Variants in CAMK2B observed in about 807,000 individuals in gnomAD.
The protein encoded by CAMK2B is calcium/calmodulin-dependent protein kinase type II subunit beta.
In CAMK2B, 27 loss-of-function variants were observed where a neutral mutation model predicts 93.7. The observed-to-expected ratio is 0.29, with a 90% CI of 0.21 to 0.40. The LOEUF (loss-of-function observed/expected upper bound fraction) is 0.40. CAMK2B is among the 10% of genes least tolerant of loss of function. The pLI is 1.00. For synonymous variants in CAMK2B, 374 were observed against 358.8 expected, an observed-to-expected ratio of 1.04 and a Z score of -0.48; for missense variants, 568 against 895.8, an observed-to-expected ratio of 0.63 and a Z score of 4.67.
intron 13 of CAMK2B, among the ~76,000 whole-genome samples, chr7:44,237,079 C>T (rs568048574): frequency 9.8e-5 from 15 of 152,378 alleles, no homozygotes; most frequent in Admixed American, 6.5e-4. Context: ...GCCAACCCAG[C>T]GGTACTTCCA....
intron 13 of CAMK2B, among the ~76,000 whole-genome samples, chr7:44,237,288 C>T (rs1204376631): frequency 5.9e-5 from 9 of 152,212 alleles, no homozygotes; most frequent in African/African-American, 2.2e-4. Flanking sequence ...TCTATCAAAA[C>T]CTGCATTTCC....
intron 1 of CAMK2B, among the ~76,000 whole-genome samples, chr7:44,321,003 G>A (rs1385862209): frequency 6.6e-6 from 1 of 152,202 alleles, no homozygotes; most frequent in Non-Finnish European, 1.5e-5. Context: ...GGGCATCTGG[G>A]AGAGCCTGCT....
At chr7:44,227,806 G>A in intron 19 of CAMK2B, among the ~76,000 whole-genome samples, 1 of 123,424 alleles carries the variant, frequency 8.1e-6, no homozygotes, top group African/African-American at 3.3e-5. Flanking sequence ...GGGGGACAGA[G>A]GGAGAATGTG....
At chr7:44,278,097 G>A (rs1000403734) in intron 2 of CAMK2B, among the ~76,000 whole-genome samples, 6 of 152,228 alleles carry the variant, frequency 3.9e-5, no homozygotes, top group Admixed American at 2.0e-4. Context: ...AGCCAGGGGC[G>A]CCTGCCATGG....
chr7:44,277,623 C>T (rs920789374), intron 2 of CAMK2B, among the ~76,000 whole-genome samples: 2 of 152,188 alleles, frequency 1.3e-5, no homozygotes, highest in Non-Finnish European at 2.9e-5. Flanking sequence ...CCTCCACTGG[C>T]GCTAGACCCA....
chr7:44,300,232 TG>T (rs1323948576), intron 1 of CAMK2B, among the ~76,000 whole-genome samples: 1 of 152,102 alleles, frequency 6.6e-6, no homozygotes, highest in East Asian at 1.9e-4. Context: ...GATGGGGTCT[TG>T]GTATGCTCCC....
chr7:44,247,937 G>C (rs919303734), intron 5 of CAMK2B, among the ~76,000 whole-genome samples: 8 of 152,190 alleles, frequency 5.3e-5, no homozygotes, highest in African/African-American at 1.9e-4. Context: ...CTAAGGAAGG[G>C]AGAATTGCTT....
At chr7:44,265,363 T>C (rs757295300) in intron 2 of CAMK2B, among the ~76,000 whole-genome samples, 1 of 152,174 alleles carries the variant, frequency 6.6e-6, no homozygotes, top group Non-Finnish European at 1.5e-5. Flanking sequence ...CCTTTCCAAC[T>C]TGTCCCAATA....
intron 1 of CAMK2B, among the ~76,000 whole-genome samples, chr7:44,309,704 G>A (rs1329602223): frequency 6.6e-6 from 1 of 152,196 alleles, no homozygotes; most frequent in Non-Finnish European, 1.5e-5. Flanking sequence ...AGCGCCCGCG[G>A]GGGACCAGTC....
At chr7:44,300,556 A>T (rs1789712825) in intron 1 of CAMK2B, among the ~76,000 whole-genome samples, 1 of 152,242 alleles carries the variant, frequency 6.6e-6, no homozygotes, top group African/African-American at 2.4e-5. Flanking sequence ...ACATAATAAT[A>T]AAAGGGTCAG....
Position 44,229,471 on chromosome 7 carries a change from A to G in CAMK2B, c.1256T>C (p.Val419Ala). ...TTCTGGGGCTCCCGAGCCCCTCCTC[A>G]CTGAGCTCAGGATGTCGGGGACCCT... is the stretch of plus-strand genomic sequence containing the variant. The part of the protein sequence containing the change: ...APRVPDILSS[V>A]RRGSGAPEAE... The change falls in exon 18 of 24, where the codon GTG (valine) becomes GCG (alanine). Residue 419 changes from valine to alanine, a missense_variant. By Grantham distance (64) the Val-to-Ala change is moderately conservative (BLOSUM62 0). Around this residue, in one of 4 missense-constraint regions of CAMK2B, gnomAD observed 308 missense variants for 292.1 expected, o/e 1.05. Coordinates refer to ENST00000395749, the MANE Select transcript of CAMK2B (RefSeq NM_001220.5). The G allele has an allele frequency of 6.8e-7, 1 of 1,470,518 alleles. No homozygotes were observed. The highest frequency in any genetic ancestry group is 1.5e-5 in the African/African-American group (1 of 68,696). 91.1% of individuals were successfully genotyped at this position (1,470,518 alleles called of 1,614,324 possible). A position where few individuals can be genotyped will look rare whatever the true frequency, so the allele number is the denominator to read the frequency against.
intron 20 of CAMK2B, among the ~76,000 whole-genome samples, chr7:44,223,640 T>C (rs1287091972): frequency 2.1e-5 from 3 of 142,424 alleles, no homozygotes; most frequent in East Asian, 2.2e-4. Flanking sequence ...ACCCTCTGCC[T>C]GGCACCTGCC....
intron 1 of CAMK2B, among the ~76,000 whole-genome samples, chr7:44,306,999 GGAGGGTGTGAGCAGGAAGAA>G (rs1791899083): frequency 7.1e-6 from 1 of 141,654 alleles, no homozygotes; most frequent in Non-Finnish European, 1.5e-5. Flanking sequence ...AGCAGGAGGA[GGAGGGTGTGAGCAGGAAGAA>G]GAGGGTGTGA....
intron 4 of CAMK2B, 21 bp from the exon 5 acceptor site, chr7:44,254,628 G>T: frequency 6.3e-7 from 1 of 1,594,350 alleles, no homozygotes. Context: ...AGCATGAAGG[G>T]GTCACAGATT....
chr7:44,265,427 C>A (rs1407337467), intron 2 of CAMK2B, among the ~76,000 whole-genome samples: 1 of 152,242 alleles, frequency 6.6e-6, no homozygotes, highest in African/African-American at 2.4e-5. Context: ...GACCACACAT[C>A]GCCACGGGAC....
At chr7:44,258,815 CA>C (rs2096855624) in intron 4 of CAMK2B, 56 bp downstream of exon 4, 2 of 1,537,018 alleles carry the variant, frequency 1.3e-6, no homozygotes, top group Admixed American at 3.4e-5. Flanking sequence ...CTGCAGATCC[CA>C]CCCTGAGCCA....
In CAMK2B at chr7:44,254,618, A is replaced by C; in HGVS notation, c.276-11T>G. ...TCCCCACCAGTGACCCTATGGGAGA[A>C]GCATGAAGGGGTCACAGATTCTGGA... On this transcript the variant is annotated splice_polypyrimidine_tract_variant and intron_variant, in intron 4 of 23. Transcript: ENST00000395749. The C allele has an allele frequency of 6.2e-7, 1 of 1,606,114 alleles. No homozygotes were observed. Among genetic ancestry groups the C allele is most frequent in the Non-Finnish European group, 8.5e-7 (1 of 1,174,356 alleles).
rs764392617 is a variant in CAMK2B at position 44,229,403 on chromosome 7, G to C, written c.1324C>G (p.Pro442Ala). 1 of 1,524,086 alleles carries C rather than the reference G, an allele frequency of 6.6e-7. No homozygotes were observed. The highest frequency in any genetic ancestry group is 1.2e-5 in the South Asian group (1 of 80,760). The allele number at this position is 1,524,086 out of a possible 1,614,324, so 94.4% of individuals were successfully genotyped here. ...LPCPSPAPFS[P>A]LPAPSPRISD... ...GGCTACTTACATGGGGCTGGCAGGG[G>C]GCTAAAGGGAGCCGGAGATGGGCAG... Residue 442 changes from proline (P) to alanine (A), a missense_variant, in exon 18 of 24, where the codon CCC becomes GCC. This residue lies in a region of CAMK2B where 308 missense variants were observed against 292.1 expected (regional missense o/e 1.05). Coordinates refer to ENST00000395749, the MANE Select transcript of CAMK2B (RefSeq NM_001220.5).
chr7:44,235,040 AGCTGT>A (rs936689818), intron 13 of CAMK2B, among the ~76,000 whole-genome samples: 6 of 152,032 alleles, frequency 3.9e-5, no homozygotes. Flanking sequence ...ACTCAGGACT[AGCTGT>A]GTCAGGTTGG....
Sources: gnomAD v4.1 joint callset for allele counts (sites outside exome capture counted in the v4.1 genomes callset) on GRCh38, gnomAD v4.1.1 for gene constraint, gnomAD v4.1.1 regional missense constraint, MANE v1.5 for transcripts, NCBI Gene and HGNC (gene_info 2026-07-23, HGNC 2026-07-21) for gene names.